Variants in EML4 observed in about 807,000 individuals in gnomAD.
The protein encoded by EML4 is echinoderm microtubule-associated protein-like 4.
A neutral mutation model predicts 129.0 loss-of-function variants in EML4; 72 were observed. That is an observed-to-expected ratio of 0.56 (90% confidence interval 0.46 to 0.68). The LOEUF is 0.68. Ranked by LOEUF, EML4 falls within the 30% of genes least tolerant of loss-of-function variation. The pLI, the probability that EML4 is intolerant of heterozygous loss-of-function variation, is 0.00. For missense variants in EML4, 1,363 were observed against 1,190.6 expected, an observed-to-expected ratio of 1.14 and a Z score of -2.13; for synonymous variants, 532 against 405.0, an observed-to-expected ratio of 1.31 and a Z score of -3.77.
chr2:42,325,602 T>TAATATATATA (rs1558614750), intron 20 of EML4, 48 bp downstream of exon 20: 7 of 129,340 alleles, frequency 5.4e-5, no homozygotes, highest in Non-Finnish European at 9.7e-5. Flanking sequence ...ATGATTATAT[T>TAATATATATA]TATATATATA....
intron 13 of EML4, among the ~76,000 whole-genome samples, chr2:42,297,301 C>G (rs1003020925): frequency 1.3e-5 from 2 of 152,062 alleles, no homozygotes; most frequent in African/African-American, 4.8e-5. Flanking sequence ...AAAACAGTGA[C>G]TTTTAAATTG....
chr2:42,265,127 G>A (rs1665984358), intron 6 of EML4, among the ~76,000 whole-genome samples: 1 of 151,872 alleles, frequency 6.6e-6, no homozygotes, highest in Non-Finnish European at 1.5e-5. Flanking sequence ...GTCTCATTCT[G>A]TTGCCCAGGG....
intron 1 of EML4, among the ~76,000 whole-genome samples, chr2:42,187,361 C>G (rs1010332950): frequency 1.3e-4 from 20 of 152,052 alleles, no homozygotes; most frequent in African/African-American, 4.6e-4. Flanking sequence ...TTTGTCTTTT[C>G]TAGAATTTCA....
At chr2:42,252,440 C>T (rs1675839303) in intron 2 of EML4, among the ~76,000 whole-genome samples, 1 of 152,218 alleles carries the variant, frequency 6.6e-6, no homozygotes, top group Admixed American at 6.5e-5. Flanking sequence ...CAGACCACTG[C>T]CCTGAAATCA....
chr2:42,215,214 C>T (rs1418656618), intron 1 of EML4, among the ~76,000 whole-genome samples: 2 of 152,148 alleles, frequency 1.3e-5, no homozygotes, highest in Non-Finnish European at 2.9e-5. Context: ...TGCACACCAC[C>T]ACGCCTGGCT....
intron 1 of EML4, among the ~76,000 whole-genome samples, chr2:42,242,797 C>G (rs1455264596): frequency 1.3e-5 from 2 of 150,710 alleles, no homozygotes; most frequent in Non-Finnish European, 2.9e-5. Context: ...TAGGGTCTTC[C>G]TCTGTCACCC....
intron 17 of EML4, among the ~76,000 whole-genome samples, chr2:42,312,170 G>A (rs879352458): frequency 7.9e-5 from 12 of 152,172 alleles, no homozygotes; most frequent in Non-Finnish European, 1.3e-4. Context: ...CTTCCTGGAA[G>A]CTTCAGCTCA....
At chr2:42,244,105 T>TTTTTTTTTTTTTTTTGTTTTTTG (rs1675224486) in intron 1 of EML4, among the ~76,000 whole-genome samples, 1 of 103,662 alleles carries the variant, frequency 9.6e-6, no homozygotes, top group African/African-American at 2.8e-5. Flanking sequence ...TTTTTTGTTT[T>TTTTTTTTTTTTTTTTGTTTTTTG]TTTTTTTTTT....
chr2:42,288,426 A>C, intron 11 of EML4, 104 bp downstream of exon 11: 1 of 510,834 alleles, frequency 2.0e-6, no homozygotes, highest in Non-Finnish European at 3.4e-6. Flanking sequence ...TAAGTCGCAA[A>C]AGCAGATCTA....
chr2:42,261,843 T>A (rs988111659), intron 4 of EML4, among the ~76,000 whole-genome samples: 1 of 152,158 alleles, frequency 6.6e-6, no homozygotes, highest in Non-Finnish European at 1.5e-5. Context: ...AAGGCTTGCT[T>A]GAGGGCTTCT....
intron 1 of EML4, among the ~76,000 whole-genome samples, chr2:42,206,722 A>G (rs1043620937): frequency 6.6e-6 from 1 of 152,196 alleles, no homozygotes; most frequent in African/African-American, 2.4e-5. Context: ...TGGCACGTAT[A>G]ATACATAAGT....
chr2:42,251,705 A>G (rs2104333843), intron 2 of EML4, among the ~76,000 whole-genome samples: 1 of 152,358 alleles, frequency 6.6e-6, no homozygotes, highest in Middle Eastern at 3.4e-3. Context: ...GAGGCATGTG[A>G]TGGAGAATTC....
chr2:42,188,684 C>T lies in EML4; in HGVS notation c.25+19048C>T, dbSNP rs6712303. On this transcript the variant is annotated intron_variant, in intron 1 of 22. Coordinates refer to ENST00000318522, the MANE Select transcript of EML4 (RefSeq NM_019063.5). ...AGGGATTACAGGCACCTGCACCATG[C>T]CTGGCTAATTTTTGTGTTTTTAGTA... Among the ~76,000 whole-genome samples the T allele has an allele frequency of 9.5e-3, 1,440 of 152,232 alleles. 20 individuals carry two copies. Among genetic ancestry groups the T allele is most frequent in the African/African-American group, 0.033 (1,368 of 41,520 alleles).
chr2:42,219,722 A>T (rs1673439600), intron 1 of EML4, among the ~76,000 whole-genome samples: 1 of 152,088 alleles, frequency 6.6e-6, no homozygotes, highest in African/African-American at 2.4e-5. Flanking sequence ...CTTCAAGACC[A>T]GCCTGGCCAA....
At chr2:42,223,990 G>A (rs991575397) in intron 1 of EML4, among the ~76,000 whole-genome samples, 4 of 151,992 alleles carry the variant, frequency 2.6e-5, no homozygotes, top group Non-Finnish European at 4.4e-5. Flanking sequence ...GGAATTTACC[G>A]TTTAAATTAT....
At chr2:42,305,497 GTTGT>G (rs1668546661) in intron 17 of EML4, among the ~76,000 whole-genome samples, 1 of 152,182 alleles carries the variant, frequency 6.6e-6, no homozygotes, top group Admixed American at 6.5e-5. Context: ...GCATTTATAA[GTTGT>G]TTGTGCTATA....
intron 19 of EML4, among the ~76,000 whole-genome samples, chr2:42,322,911 G>A (rs1424354439): frequency 6.6e-6 from 1 of 152,164 alleles, no homozygotes; most frequent in Admixed American, 6.5e-5. Flanking sequence ...CTAAATATGA[G>A]TTAATAACTT....
intron 13 of EML4, 50 bp downstream of exon 13, chr2:42,295,566 T>A (rs1667901341): frequency 6.5e-7 from 1 of 1,533,670 alleles, no homozygotes; most frequent in Non-Finnish European, 8.9e-7. Context: ...CACATAGTAC[T>A]CTTTCAGTCC....
rs553903131 is a variant in EML4 at position 42,330,619 on chromosome 2, C to CTT, written c.*427_*428dup. 6.4e-4 allele frequency: 132 copies of CTT among 206,482 alleles called. No individual in the cohort carries two copies. Among genetic ancestry groups the CTT allele is most frequent in the South Asian group, 9.2e-4 (8 of 8,694 alleles). The allele number at this position is 206,482 out of a possible 1,614,324, so 12.8% of individuals were successfully genotyped here. ...TCATCTACTGGCTCAGACTGTACTA[C>CTT]TTTTTTTTTTTTTTTTCCTGAAAAA... On this transcript the variant is annotated 3_prime_UTR_variant, in exon 23 of 23. Coordinates refer to ENST00000318522, the MANE Select transcript of EML4 (RefSeq NM_019063.5).
Sources: gnomAD v4.1 joint callset for allele counts (sites outside exome capture counted in the v4.1 genomes callset) on GRCh38, gnomAD v4.1.1 for gene constraint, MANE v1.5 for transcripts, NCBI Gene and HGNC (gene_info 2026-07-23, HGNC 2026-07-21) for gene names.